The following EPHA5 variants were observed in gnomAD, a reference collection of about 807,000 sequenced individuals.
EPHA5 encodes EPH receptor A5.
In EPHA5, 60 loss-of-function variants were observed where a neutral mutation model predicts 105.0. The observed-to-expected ratio is 0.57, with a 90% CI of 0.46 to 0.71. EPHA5 has a LOEUF of 0.71. Ranked by LOEUF, EPHA5 falls within the 30% of genes least tolerant of loss-of-function variation. The pLI, the probability that EPHA5 is intolerant of heterozygous loss-of-function variation, is 0.00. For missense variants in EPHA5, 1,218 were observed against 1,274.7 expected (o/e 0.96, Z 0.68); for synonymous variants, 513 against 449.1 (o/e 1.14, Z -1.80).
At chr4:65,615,878 T>G (rs1276278991) in intron 2 of EPHA5, among the ~76,000 whole-genome samples, 4 of 151,748 alleles carry the variant, frequency 2.6e-5, no homozygotes, top group Admixed American at 2.6e-4. Context: ...TAACAGGAAA[T>G]TTCATATTAA....
intron 2 of EPHA5, among the ~76,000 whole-genome samples, chr4:65,637,593 T>TAC (rs1747255140): frequency 1.4e-5 from 2 of 145,908 alleles, no homozygotes; most frequent in East Asian, 3.9e-4. Flanking sequence ...TATATATATA[T>TAC]ATATACGTAT....
At chr4:65,361,577 A>G (rs1452579146) in intron 11 of EPHA5, among the ~76,000 whole-genome samples, 2 of 151,702 alleles carry the variant, frequency 1.3e-5, no homozygotes, top group East Asian at 3.9e-4. Context: ...ATATATAATA[A>G]GACCCTGTAT....
chr4:65,472,910 C>G (rs1021087483), intron 5 of EPHA5, among the ~76,000 whole-genome samples: 1 of 152,186 alleles, frequency 6.6e-6, no homozygotes. Context: ...GAATTTCTCC[C>G]GAGAAAATGG....
chr4:65,456,925 G>A (rs1727655879), intron 5 of EPHA5, among the ~76,000 whole-genome samples: 3 of 151,884 alleles, frequency 2.0e-5, no homozygotes, highest in African/African-American at 7.3e-5. Context: ...ATACCTCCAA[G>A]AGTTTATTTG....
At chr4:65,425,277 A>G (rs1294494013) in intron 5 of EPHA5, among the ~76,000 whole-genome samples, 1 of 152,100 alleles carries the variant, frequency 6.6e-6, no homozygotes, top group Non-Finnish European at 1.5e-5. Context: ...TGTATTTTAC[A>G]TTTGATTCTA....
chr4:65,351,098 A>G (rs1049418423), intron 13 of EPHA5, among the ~76,000 whole-genome samples: 1 of 151,976 alleles, frequency 6.6e-6, no homozygotes, highest in Non-Finnish European at 1.5e-5. Context: ...TTGAAATTTA[A>G]GATGATTATT....
At chr4:65,567,738 C>T (rs1370636241) in intron 3 of EPHA5, among the ~76,000 whole-genome samples, 1 of 151,430 alleles carries the variant, frequency 6.6e-6, no homozygotes. Context: ...GTAGTATGTT[C>T]GACTCAAAAT....
chr4:65,457,184 CAGGAAG>C (rs1205617096), intron 5 of EPHA5, among the ~76,000 whole-genome samples: 1 of 152,146 alleles, frequency 6.6e-6, no homozygotes, highest in Admixed American at 6.6e-5. Flanking sequence ...TTGAGCTGCA[CAGGAAG>C]AGACTGCATA....
rs2149440249 is a variant in EPHA5, at chr4:65,602,058, T to A, written c.493A>T (p.Asn165Tyr). 1 of 1,614,138 alleles carries A rather than the reference T, an allele frequency of 6.2e-7. No homozygotes were observed. The highest frequency in any genetic ancestry group is 8.5e-7 in the Non-Finnish European group (1 of 1,180,006). Residue 165 changes from asparagine (N) to tyrosine (Y), a missense_variant, in exon 3 of 17, where the codon AAC (asparagine) becomes TAC (tyrosine). Physicochemically the swap from Asn to Tyr is moderately radical, Grantham distance 143 (BLOSUM62 -2). Around this residue, in one of 3 missense-constraint regions of EPHA5, gnomAD observed 233 missense variants for 227.5 expected, o/e 1.02. Transcript: ENST00000613740. ...YFESDDQNGR[N>Y]IKENQYIKID... ...TTGATGTATTGGTTTTCCTTGATGTTTCTCCCATTCTGATCATCTGACTCA... is the reference window on the plus strand; with the variant it reads ...TTGATGTATTGGTTTTCCTTGATGTATCTCCCATTCTGATCATCTGACTCA...
At chr4:65,605,705 G>A (rs1039983610) in intron 2 of EPHA5, among the ~76,000 whole-genome samples, 8 of 151,858 alleles carry the variant, frequency 5.3e-5, no homozygotes, top group African/African-American at 1.9e-4. Flanking sequence ...AAACTTTGGA[G>A]TAGACATCTG....
At chr4:65,530,393 T>C (rs1033679801) in intron 3 of EPHA5, among the ~76,000 whole-genome samples, 2 of 140,608 alleles carry the variant, frequency 1.4e-5, no homozygotes, top group African/African-American at 5.3e-5. Context: ...ATCGTATATA[T>C]GTATGTAAAC....
intron 4 of EPHA5, among the ~76,000 whole-genome samples, chr4:65,493,757 G>A (rs73223841): frequency 0.18 from 26,734 of 151,740 alleles, 2,536 homozygotes; most frequent in African/African-American, 0.23. Context: ...CCAAAGTACA[G>A]CTTCCCCCCT....
intron 5 of EPHA5, among the ~76,000 whole-genome samples, chr4:65,426,798 C>T (rs567100287): frequency 1.2e-4 from 19 of 152,124 alleles, no homozygotes; most frequent in Admixed American, 8.5e-4. Flanking sequence ...CAGTTACTTA[C>T]CTGTTTAATT....
chr4:65,465,475 G>A (rs868150136), intron 5 of EPHA5, among the ~76,000 whole-genome samples: 391 of 73,420 alleles, frequency 5.3e-3, no homozygotes, highest in Non-Finnish European at 8.0e-3. Context: ...GAAAAAGAAA[G>A]AAAGAAAGAA....
At chr4:65,607,536 C>T (rs1744353592) in intron 2 of EPHA5, among the ~76,000 whole-genome samples, 1 of 152,108 alleles carries the variant, frequency 6.6e-6, no homozygotes, top group Admixed American at 6.5e-5. Context: ...CGAACAGACA[C>T]TTCTCAAAAG....
At chr4:65,524,925 A>C (rs1306168244) in intron 3 of EPHA5, among the ~76,000 whole-genome samples, 1 of 151,794 alleles carries the variant, frequency 6.6e-6, no homozygotes, top group Non-Finnish European at 1.5e-5. Flanking sequence ...CTCATCCTTC[A>C]AAGAAAGATC....
chr4:65,558,823 G>A (rs1738726143), intron 3 of EPHA5, among the ~76,000 whole-genome samples: 1 of 151,966 alleles, frequency 6.6e-6, no homozygotes, highest in East Asian at 1.9e-4. Context: ...TGGGGACCTG[G>A]CATTTTATTC....
intron 5 of EPHA5, among the ~76,000 whole-genome samples, chr4:65,455,710 A>C (rs1283524201): frequency 6.6e-6 from 1 of 152,164 alleles, no homozygotes; most frequent in African/African-American, 2.4e-5. Flanking sequence ...ACACATAAAG[A>C]AAAAAAGCAG....
At chr4:65,332,173 T>A in intron 15 of EPHA5, 45 bp from the exon 16 acceptor site, 3 of 1,461,596 alleles carry the variant, frequency 2.1e-6, no homozygotes, top group South Asian at 1.3e-5. Flanking sequence ...AATTTAATTC[T>A]TTTATAACAA....
Sources: gnomAD v4.1 joint callset for allele counts (sites outside exome capture counted in the v4.1 genomes callset) on GRCh38, gnomAD v4.1.1 for gene constraint, gnomAD v4.1.1 regional missense constraint, MANE v1.5 for transcripts, NCBI Gene and HGNC (gene_info 2026-07-23, HGNC 2026-07-21) for gene names.